Variants in PKHD1L1 observed in about 807,000 individuals in gnomAD.
PKHD1L1 encodes the protein PKHD1 like 1.
Under a neutral mutation model 462.9 loss-of-function variants are expected in PKHD1L1, and 434 were observed. The ratio of observed to expected loss-of-function variants is 0.94; its 90% CI spans 0.87 to 1.02. The LOEUF is 1.02. Among genes scored for constraint, PKHD1L1 ranks in the 50% least tolerant of loss-of-function variants. PKHD1L1 has a pLI of 0.00. For missense variants in PKHD1L1, 5,202 were observed against 5,096.1 expected, an observed-to-expected ratio of 1.02 and a Z score of -0.63; for synonymous variants, 1,781 against 1,750.0, an observed-to-expected ratio of 1.02 and a Z score of -0.44.
rs201161726 is a variant in PKHD1L1, at chr8:109,396,062, C to T, written c.847C>T (p.Arg283Ter). The T allele has an allele frequency of 1.4e-4, 221 of 1,607,086 alleles. 1 individual carries two copies. Among genetic ancestry groups the T allele is most frequent in the Middle Eastern group, 3.3e-4 (2 of 6,054 alleles). Reference sequence around the variant, plus strand: ...GATTTTCCCTTCACAAGGAAGCATTCGAGGTGGCACCACGCTGACAATAAG... The same window carrying T: ...GATTTTCCCTTCACAAGGAAGCATTTGAGGTGGCACCACGCTGACAATAAG... ...TMIFPSQGSI[R>*]GGTTLTISGR... The change falls in exon 11 of 78, where the codon CGA becomes TGA. Residue 283 changes from arginine to a stop codon, truncating the protein, a stop_gained. Transcript: ENST00000378402. LOFTEE classifies it high-confidence loss of function.
At chr8:109,470,621 G>A (rs1397744363) in intron 50 of PKHD1L1, 2 of 1,566,430 alleles carry the variant, frequency 1.3e-6, no homozygotes, top group Non-Finnish European at 1.7e-6. Context: ...GACTTGAATA[G>A]CTCAGTGTCC....
Position 109,408,092 on chromosome 8 carries a change from T to C in PKHD1L1, c.1857T>C (p.Asn619=). The part of the protein sequence containing the change: ...LLGYEVVEGN[N]VTLDITEQTK... The stretch of plus-strand genomic sequence containing the variant: ...GTTATGAAGTAGTTGAAGGGAATAA[T>C]GTCACACTGGATATTACAGAACAAA... The change falls in exon 18 of 78, where the codon AAT becomes AAC. Residue 619 remains asparagine, a synonymous_variant. Coordinates refer to ENST00000378402, the MANE Select transcript of PKHD1L1 (RefSeq NM_177531.6). 6.2e-7 allele frequency: 1 copy of C among 1,612,888 alleles called. No individual in the cohort carries two copies. Among genetic ancestry groups the C allele is most frequent in the Non-Finnish European group, 8.5e-7 (1 of 1,179,232 alleles).
At chr8:109,496,188 C>T (rs2130935397) in intron 63 of PKHD1L1, among the ~76,000 whole-genome samples, 1 of 152,246 alleles carries the variant, frequency 6.6e-6, no homozygotes, top group Admixed American at 6.5e-5. Flanking sequence ...GAGCTAGGTG[C>T]AATGTCTTCT....
rs1821098204 is a variant in PKHD1L1 at position 109,534,006 on chromosome 8, C to A, written c.*3916C>A. Among the ~76,000 whole-genome samples, 1 of 152,172 alleles carries A rather than the reference C, an allele frequency of 6.6e-6. No individual in the cohort carries two copies. The highest frequency in any genetic ancestry group is 1.5e-5 in the Non-Finnish European group (1 of 68,020). ...GTTTCATTGTTATTTGGTGGTTATC[C>A]TAAATCTCCTGCTTTCATCAGATGT... On this transcript the variant is annotated 3_prime_UTR_variant, in exon 78 of 78. Coordinates refer to ENST00000378402, the MANE Select transcript of PKHD1L1 (RefSeq NM_177531.6).
intron 67 of PKHD1L1, among the ~76,000 whole-genome samples, chr8:109,501,045 C>T (rs1239154480): frequency 6.6e-6 from 1 of 151,784 alleles, no homozygotes; most frequent in South Asian, 2.1e-4. Context: ...AAGTGAACTT[C>T]CAGGGATAAT....
chr8:109,399,791 C>T (rs1453304726), intron 12 of PKHD1L1, among the ~76,000 whole-genome samples: 1 of 152,066 alleles, frequency 6.6e-6, no homozygotes, highest in African/African-American at 2.4e-5. Flanking sequence ...AGCTGTTTTA[C>T]ATGTGTATTA....
intron 11 of PKHD1L1, among the ~76,000 whole-genome samples, chr8:109,397,901 C>T (rs1402696864): frequency 6.6e-6 from 1 of 152,166 alleles, no homozygotes; most frequent in Non-Finnish European, 1.5e-5. Flanking sequence ...ATAGACTCTT[C>T]TCCTAAGTCT....
chr8:109,412,524 T>C, intron 20 of PKHD1L1, 110 bp downstream of exon 20: 3 of 1,174,870 alleles, frequency 2.6e-6, no homozygotes, highest in Non-Finnish European at 3.5e-6. Flanking sequence ...TAGTATGTCA[T>C]ATTGTAACAG....
intron 16 of PKHD1L1, among the ~76,000 whole-genome samples, chr8:109,405,635 A>G (rs1813495993): frequency 1.3e-5 from 2 of 151,916 alleles, no homozygotes; most frequent in South Asian, 4.2e-4. Context: ...GGAGCTGAAC[A>G]ATGAGAACAC....
At chr8:109,518,596 C>A in intron 73 of PKHD1L1, 88 bp downstream of exon 73, 1 of 1,129,312 alleles carries the variant, frequency 8.9e-7, no homozygotes, top group South Asian at 1.6e-5. Context: ...TGAGCCTGGC[C>A]TCAGGAAATC....
At chr8:109,362,763 G>C in intron 1 of PKHD1L1, 110 bp downstream of exon 1, 1 of 1,227,388 alleles carries the variant, frequency 8.1e-7, no homozygotes, top group Non-Finnish European at 1.2e-6. Context: ...GGCTGAGGCT[G>C]TGGGTGCGGT....
Position 109,443,118 on chromosome 8 carries a change from T to C in PKHD1L1, c.4564+2T>C. 3 of 1,612,612 alleles carry C rather than the reference T, an allele frequency of 1.9e-6. No homozygotes were observed. Among genetic ancestry groups the C allele is most frequent in the Non-Finnish European group, 2.5e-6 (3 of 1,178,990 alleles). On this transcript the variant is annotated splice_donor_variant, in intron 36 of 77. Transcript: ENST00000378402. LOFTEE classifies it high-confidence loss of function. The stretch of plus-strand genomic sequence containing the variant: ...GCTCTGAAGCCACATATGCTTATGG[T>C]AAGATGGTTAAAGATGGAAACTCTG...
At chr8:109,385,182 A>G (rs552876969) in intron 5 of PKHD1L1, among the ~76,000 whole-genome samples, 19 of 151,028 alleles carry the variant, frequency 1.3e-4, no homozygotes, top group African/African-American at 4.4e-4. Context: ...AATAATTGTT[A>G]TGGTTTTATT....
chr8:109,427,101 G>T lies in PKHD1L1; in HGVS notation c.2945G>T (p.Gly982Val), dbSNP rs367893430. The change falls in exon 25 of 78, where the codon GGC (glycine) becomes GTC (valine). Residue 982 changes from glycine to valine, a missense_variant. Around this residue, in one of 3 missense-constraint regions of PKHD1L1, gnomAD observed 4,497 missense variants for 4,336.8 expected, o/e 1.04. Transcript: ENST00000378402. ...ISVTREGTCA[G>V]YAWNIKWRST... Reference sequence around the variant, plus strand: ...GTTACACGAGAGGGAACCTGTGCTGGCTACGCGTGGAACATCAAATGGAGA... The same window carrying T: ...GTTACACGAGAGGGAACCTGTGCTGTCTACGCGTGGAACATCAAATGGAGA... The T allele has an allele frequency of 5.6e-6, 9 of 1,613,822 alleles. No homozygotes were observed. Among genetic ancestry groups the T allele is most frequent in the Non-Finnish European group, 6.8e-6 (8 of 1,179,858 alleles).
At chr8:109,442,451 T>C (rs1045072993) in intron 35 of PKHD1L1, among the ~76,000 whole-genome samples, 2 of 152,102 alleles carry the variant, frequency 1.3e-5, no homozygotes, top group African/African-American at 4.8e-5. Flanking sequence ...AAAAACATAT[T>C]GAAAAAGCAA....
chr8:109,363,441 C>T (rs1811080412), intron 1 of PKHD1L1, among the ~76,000 whole-genome samples: 1 of 152,172 alleles, frequency 6.6e-6, no homozygotes, highest in South Asian at 2.1e-4. Flanking sequence ...CACTCTAAAC[C>T]TTTTTAAGAC....
rs779320598 is a variant in PKHD1L1, at chr8:109,504,475, A to C, written c.10977A>C (p.Ile3659=). The part of the protein sequence containing the change: ...VDTTEQSKIF[I]HRPDISKVNP... ...CCACTGAACAATCAAAAATATTTAT[A>C]CATAGGCCTGATATAAGGTAAAATA... Residue 3659 remains isoleucine (I), a synonymous_variant, in exon 68 of 78, where the codon ATA becomes ATC. Transcript: ENST00000378402. 11 of 1,522,532 alleles carry C rather than the reference A, an allele frequency of 7.2e-6. No homozygotes were observed. Among genetic ancestry groups the C allele is most frequent in the Non-Finnish European group, 9.7e-6 (11 of 1,130,404 alleles). The allele number at this position is 1,522,532 out of a possible 1,614,324, so 94.3% of individuals were successfully genotyped here. A position where few individuals can be genotyped will look rare whatever the true frequency, so the allele number is the denominator to read the frequency against.
chr8:109,486,451 G>T (rs933565857), intron 58 of PKHD1L1, among the ~76,000 whole-genome samples, 197 bp from the exon 59 acceptor site: 6 of 151,854 alleles, frequency 4.0e-5, no homozygotes, highest in East Asian at 1.9e-4. Context: ...AAATATTTTT[G>T]ATTATATTTC....
At chr8:109,406,966 T>A (rs867036845) in intron 17 of PKHD1L1, among the ~76,000 whole-genome samples, 2 of 152,140 alleles carry the variant, frequency 1.3e-5, no homozygotes, top group Non-Finnish European at 1.5e-5. Context: ...AATTTACCTG[T>A]GTTTAATGCA....
Sources: gnomAD v4.1 joint callset for allele counts (sites outside exome capture counted in the v4.1 genomes callset) on GRCh38, gnomAD v4.1.1 for gene constraint, gnomAD v4.1.1 regional missense constraint, MANE v1.5 for transcripts, NCBI Gene and HGNC (gene_info 2026-07-23, HGNC 2026-07-21) for gene names.